The following AKAP19 variants were observed in gnomAD, a reference collection of about 807,000 sequenced individuals.
The protein encoded by AKAP19 is small A-kinase anchoring protein.
At chr2:189,958,955 A>G in the AKAP19 span, among the ~76,000 whole-genome samples, 2 of 152,126 alleles carry the variant, frequency 1.3e-5, no homozygotes, top group Non-Finnish European at 2.9e-5. Context: ...TTAGTACCCT[A>G]AAGAAAAGCA....
chr2:189,907,338 G>T, the AKAP19 span, among the ~76,000 whole-genome samples: 15 of 152,122 alleles, frequency 9.9e-5, no homozygotes, highest in Non-Finnish European at 1.9e-4. Context: ...AAGGTGTCAA[G>T]CATGCTCTTT....
At chr2:189,945,880 G>A in the AKAP19 span, among the ~76,000 whole-genome samples, 6 of 152,234 alleles carry the variant, frequency 3.9e-5, no homozygotes, top group African/African-American at 1.4e-4. Context: ...TATATGTCTG[G>A]ACTAATTTCT....
the AKAP19 span, among the ~76,000 whole-genome samples, chr2:189,901,066 C>A: frequency 6.6e-6 from 1 of 152,056 alleles, no homozygotes; most frequent in East Asian, 1.9e-4. Flanking sequence ...AGCTTATCTG[C>A]TTTCTCTTTT....
chr2:189,911,404 TCTTA>T, the AKAP19 span, among the ~76,000 whole-genome samples: 29 of 152,234 alleles, frequency 1.9e-4, no homozygotes, highest in African/African-American at 6.7e-4. Flanking sequence ...TTTACTGATC[TCTTA>T]CTTTCCTAAA....
chr2:189,923,819 T>A, the AKAP19 span: 1 of 1,611,518 alleles, frequency 6.2e-7, no homozygotes, highest in Non-Finnish European at 8.5e-7. Flanking sequence ...TGGCTTCAAT[T>A]CTAAGAGTGG....
chr2:190,203,110 C>T, the AKAP19 span: 2 of 167,044 alleles, frequency 1.2e-5, no homozygotes, highest in Admixed American at 6.5e-5. Context: ...ATATATCCTA[C>T]TCAGTATCAT....
the AKAP19 span, chr2:190,060,034 TATA>T: frequency 2.5e-6 from 4 of 1,601,698 alleles, no homozygotes; most frequent in East Asian, 8.9e-5. Context: ...ATAAGGTTAT[TATA>T]ATGTTATTTT....
chr2:190,140,892 G>T, the AKAP19 span, among the ~76,000 whole-genome samples: 59 of 152,004 alleles, frequency 3.9e-4, no homozygotes, highest in Non-Finnish European at 7.4e-4. Flanking sequence ...TTTTCCAAAC[G>T]TTTGTGTTCT....
the AKAP19 span, among the ~76,000 whole-genome samples, chr2:190,197,161 T>C: frequency 6.6e-6 from 1 of 152,136 alleles, no homozygotes; most frequent in African/African-American, 2.4e-5. The surrounding 1 kb of genome is among the most constrained non-coding windows in gnomAD (Gnocchi z 4.0). Context: ...GGGGATTAGG[T>C]TTCAATATAT....
At chr2:190,140,924 C>CA in the AKAP19 span, among the ~76,000 whole-genome samples, 1 of 152,080 alleles carries the variant, frequency 6.6e-6, no homozygotes, top group Admixed American at 6.6e-5. Flanking sequence ...AACACTTTAC[C>CA]ACTTAGAAAT....
chr2:190,101,505 C>T, the AKAP19 span, among the ~76,000 whole-genome samples: 1,898 of 152,116 alleles, frequency 0.012, 44 homozygotes, highest in African/African-American at 0.043. Flanking sequence ...GCCTGAGCCT[C>T]CCACCCTTCC....
the AKAP19 span, among the ~76,000 whole-genome samples, chr2:190,196,072 T>C: frequency 6.6e-6 from 1 of 152,040 alleles, no homozygotes; most frequent in Non-Finnish European, 1.5e-5. Flanking sequence ...TTATTTTTAG[T>C]CCATTTTCTT....
chr2:190,094,231 A>G, the AKAP19 span, among the ~76,000 whole-genome samples: 1 of 152,248 alleles, frequency 6.6e-6, no homozygotes, highest in Non-Finnish European at 1.5e-5. Context: ...CATCATTTTC[A>G]GAGAAATAAT....
the AKAP19 span, among the ~76,000 whole-genome samples, chr2:190,008,468 A>G: frequency 6.6e-6 from 1 of 152,140 alleles, no homozygotes; most frequent in Non-Finnish European, 1.5e-5. Context: ...TTGTTGGTTT[A>G]ATTATTATCA....
the AKAP19 span, among the ~76,000 whole-genome samples, chr2:189,994,108 T>A: frequency 6.6e-6 from 1 of 151,918 alleles, no homozygotes; most frequent in Non-Finnish European, 1.5e-5. Context: ...CCTCCTGGGT[T>A]CAAGCGATTC....
chr2:190,111,020 A>G, the AKAP19 span, among the ~76,000 whole-genome samples: 1 of 152,178 alleles, frequency 6.6e-6, no homozygotes, highest in Admixed American at 6.5e-5. Context: ...TAATCTTTCT[A>G]AAGGGAATCG....
At chr2:189,929,346 GTAAC>G in the AKAP19 span, among the ~76,000 whole-genome samples, 3 of 152,142 alleles carry the variant, frequency 2.0e-5, no homozygotes, top group African/African-American at 4.8e-5. Context: ...TTACAGCTGA[GTAAC>G]TATTTCTCAT....
At chr2:190,199,643 A>T in the AKAP19 span, 1 of 1,188,572 alleles carries the variant, frequency 8.4e-7, no homozygotes. Flanking sequence ...CCACTCAATC[A>T]TACACTATTT....
the AKAP19 span, among the ~76,000 whole-genome samples, chr2:190,054,409 TCATTCAGGA>T: frequency 6.6e-6 from 1 of 151,982 alleles, no homozygotes; most frequent in Non-Finnish European, 1.5e-5. Flanking sequence ...CTAGGCAATA[TCATTCAGGA>T]CATAGGCATA....
Sources: allele counts gnomAD v4.1 joint callset (sites outside exome capture counted in the v4.1 genomes callset), GRCh38; gene constraint gnomAD v4.1.1; non-coding constraint Gnocchi (gnomAD v3.1); transcripts MANE v1.5; gene names NCBI Gene and HGNC (gene_info 2026-07-23, HGNC 2026-07-21).